Variants in KLHL14 observed in about 807,000 individuals in gnomAD.
KLHL14 encodes kelch like family member 14.
KLHL14 carries 22 observed loss-of-function variants against 64.3 expected under a neutral mutation model. That is an observed-to-expected ratio of 0.34 (90% CI 0.24 to 0.49). The LOEUF (loss-of-function observed/expected upper bound fraction) is 0.49. Ranked by LOEUF, KLHL14 falls within the 20% of genes least tolerant of loss-of-function variation. KLHL14 has a pLI of 0.99. For missense variants in KLHL14, 661 were observed against 789.0 expected (o/e 0.84, Z 1.94); for synonymous variants, 322 against 333.4 (o/e 0.97, Z 0.37).
At chr18:32,690,741 C>T (rs1024014895) in intron 4 of KLHL14, among the ~76,000 whole-genome samples, 1 of 151,960 alleles carries the variant, frequency 6.6e-6, no homozygotes, top group African/African-American at 2.4e-5. Context: ...CAAAACAAAA[C>T]AAAATAAAAC....
rs2050366756 is a variant in KLHL14, at chr18:32,769,667, A to C, written c.925T>G (p.Cys309Gly). 2 of 1,340,798 alleles carry C rather than the reference A, an allele frequency of 1.5e-6. No individual in the cohort carries two copies. The highest frequency in any genetic ancestry group is 3.2e-5 in the African/African-American group (2 of 62,886). The allele number at this position is 1,340,798 out of a possible 1,614,324, so 83.1% of individuals were successfully genotyped here. A position where few individuals can be genotyped will look rare whatever the true frequency, so the allele number is the denominator to read the frequency against. ...TACCTGCTGGCCAGGCTCTGCCTGC[A>C]GTGCTGCCTGAAGGGCATCAGGTGG... The part of the protein sequence containing the change: ...NYHLMPFRQH[C>G]RQSLASRIRS... The change falls in exon 2 of 9, where the codon TGC becomes GGC. Residue 309 changes from cysteine to glycine, a missense_variant. This residue lies in a region of KLHL14 where 330 missense variants were observed against 450.0 expected (regional missense o/e 0.73). Transcript: ENST00000359358.
chr18:32,719,797 A>G (rs2050067212), intron 3 of KLHL14, among the ~76,000 whole-genome samples: 2 of 152,224 alleles, frequency 1.3e-5, no homozygotes, highest in Admixed American at 6.5e-5. Context: ...GTGACAACAC[A>G]GAGGAGATAG....
intron 4 of KLHL14, among the ~76,000 whole-genome samples, chr18:32,687,460 A>G (rs2049884955): frequency 6.6e-6 from 1 of 152,172 alleles, no homozygotes; most frequent in Non-Finnish European, 1.5e-5. Flanking sequence ...GCAATGAGTT[A>G]GGAAAAACTA....
intron 3 of KLHL14, among the ~76,000 whole-genome samples, chr18:32,733,019 G>C (rs2050144416): frequency 6.6e-6 from 1 of 152,182 alleles, no homozygotes; most frequent in South Asian, 2.1e-4. Flanking sequence ...TTACAAAAAA[G>C]AGATGATCTC....
intron 4 of KLHL14, among the ~76,000 whole-genome samples, chr18:32,688,987 T>C (rs2049894298): frequency 6.6e-6 from 1 of 152,154 alleles, no homozygotes; most frequent in Non-Finnish European, 1.5e-5. Flanking sequence ...GCTTGAATAT[T>C]GGTATGAGAA....
chr18:32,696,356 C>A (rs1440543941), intron 3 of KLHL14, among the ~76,000 whole-genome samples: 3 of 152,206 alleles, frequency 2.0e-5, no homozygotes, highest in Non-Finnish European at 4.4e-5. Context: ...TGGGGAGACA[C>A]AAAGTACCAG....
intron 3 of KLHL14, among the ~76,000 whole-genome samples, chr18:32,716,038 T>C (rs1021147735): frequency 6.6e-6 from 1 of 152,226 alleles, no homozygotes; most frequent in African/African-American, 2.4e-5. Flanking sequence ...ACTAATTTTA[T>C]GTTCTCATTC....
chr18:32,709,282 C>T (rs2050006451), intron 3 of KLHL14, among the ~76,000 whole-genome samples: 1 of 152,112 alleles, frequency 6.6e-6, no homozygotes, highest in Non-Finnish European at 1.5e-5. Flanking sequence ...CTCTCTGCCT[C>T]TGACATGTTT....
chr18:32,710,343 AG>A (rs2050013004), intron 3 of KLHL14, among the ~76,000 whole-genome samples: 1 of 152,190 alleles, frequency 6.6e-6, no homozygotes, highest in East Asian at 1.9e-4. Context: ...TACTATTTTG[AG>A]TTATAGGGAG....
chr18:32,704,894 C>G (rs999998489), intron 3 of KLHL14, among the ~76,000 whole-genome samples: 1 of 152,028 alleles, frequency 6.6e-6, no homozygotes, highest in East Asian at 1.9e-4. Context: ...AACATGAGAA[C>G]AGATAAATAG....
intron 4 of KLHL14, among the ~76,000 whole-genome samples, chr18:32,689,902 C>T (rs2049898614): frequency 6.6e-6 from 1 of 152,162 alleles, no homozygotes; most frequent in Non-Finnish European, 1.5e-5. Flanking sequence ...TTTGAAAAGA[C>T]TGAGGAATGA....
intron 3 of KLHL14, among the ~76,000 whole-genome samples, chr18:32,727,427 G>A: frequency 6.6e-6 from 1 of 152,154 alleles, no homozygotes; most frequent in Non-Finnish European, 1.5e-5. Flanking sequence ...TTTAAATTAT[G>A]AGAACCATCA....
chr18:32,741,969 T>G lies in KLHL14; in HGVS notation c.1028A>C (p.Gln343Pro), dbSNP rs1047089744. 1 of 1,612,582 alleles carries G rather than the reference T, an allele frequency of 6.2e-7. No individual in the cohort carries two copies. The highest frequency in any genetic ancestry group is 8.5e-7 in the Non-Finnish European group (1 of 1,179,728). ...GPDRLPSNLV[Q>P]YYDDEKKTWK... Reference sequence around the variant, plus strand: ...TGTCTTCTTTTCATCGTCGTAATACTGAACCAAATTGCTGGGGAGCCGGTC... The same window carrying G: ...TGTCTTCTTTTCATCGTCGTAATACGGAACCAAATTGCTGGGGAGCCGGTC... The change falls in exon 3 of 9, where the codon CAG becomes CCG. Residue 343 changes from glutamine to proline, a missense_variant. By Grantham distance (76) the Gln-to-Pro change is moderately conservative. Around this residue, in one of 2 missense-constraint regions of KLHL14, gnomAD observed 330 missense variants for 450.0 expected, o/e 0.73. Transcript: ENST00000359358.
At chr18:32,731,092 C>A (rs1323996320) in intron 3 of KLHL14, among the ~76,000 whole-genome samples, 1 of 152,162 alleles carries the variant, frequency 6.6e-6, no homozygotes, top group African/African-American at 2.4e-5. Flanking sequence ...GTAGAGTAAT[C>A]ATACACTCCC....
intron 5 of KLHL14, among the ~76,000 whole-genome samples, chr18:32,685,353 G>C (rs773414268): frequency 1.3e-5 from 2 of 152,166 alleles, no homozygotes; most frequent in African/African-American, 4.8e-5. Context: ...TGACCACGAC[G>C]TGAGTTATGC....
At position 32,742,069 on chromosome 18, in the gene KLHL14, G is replaced by C; in HGVS notation, c.948-20C>G. On this transcript the variant is annotated intron_variant, in intron 2 of 8. Coordinates refer to ENST00000359358, the MANE Select transcript of KLHL14 (RefSeq NM_020805.3). Reference sequence around the variant, plus strand: ...CGAATTCTTCACCCAAAACAAAAGAGGAGATGAATAACCACATTACTGTAG... The same window carrying C: ...CGAATTCTTCACCCAAAACAAAAGACGAGATGAATAACCACATTACTGTAG... 6.2e-7 allele frequency: 1 copy of C among 1,610,734 alleles called. No individual in the cohort carries two copies. The highest frequency in any genetic ancestry group is 8.5e-7 in the Non-Finnish European group (1 of 1,179,156).
chr18:32,714,761 C>T (rs12961920), intron 3 of KLHL14, among the ~76,000 whole-genome samples: 36,925 of 152,028 alleles, frequency 0.24, 4,683 homozygotes, highest in Middle Eastern at 0.32. Context: ...GTTCTTTGCT[C>T]ACCCTCCAGA....
chr18:32,769,581 C>T (rs2050365724), intron 2 of KLHL14, 64 bp downstream of exon 2: 1 of 547,410 alleles, frequency 1.8e-6, no homozygotes, highest in Admixed American at 3.9e-5. Flanking sequence ...CTGCCCCCTC[C>T]CCTCCCTCCG....
intron 3 of KLHL14, among the ~76,000 whole-genome samples, chr18:32,706,598 C>T (rs958864469): frequency 6.6e-6 from 1 of 152,162 alleles, no homozygotes; most frequent in African/African-American, 2.4e-5. Context: ...AAGATACATA[C>T]CGGGTTATCT....
Sources: gnomAD v4.1 joint callset for allele counts (sites outside exome capture counted in the v4.1 genomes callset) on GRCh38, gnomAD v4.1.1 for gene constraint, gnomAD v4.1.1 regional missense constraint, MANE v1.5 for transcripts, NCBI Gene and HGNC (gene_info 2026-07-23, HGNC 2026-07-21) for gene names.